The following EFNA5 variants were observed in gnomAD, a reference collection of about 807,000 sequenced individuals.
EFNA5 encodes ephrin-A5.
Under a neutral mutation model 22.9 loss-of-function variants are expected in EFNA5, and 5 were observed. The ratio of observed to expected loss-of-function variants is 0.22; its 90% confidence interval spans 0.11 to 0.46. The LOEUF (loss-of-function observed/expected upper bound fraction) is 0.46. EFNA5 is among the 20% of genes least tolerant of loss of function. The probability of loss-of-function intolerance (pLI) is 0.99; values close to 1 mark genes in which losing one functional copy is unlikely to be tolerated. For synonymous variants in EFNA5, 113 were observed against 112.2 expected, an observed-to-expected ratio of 1.01 and a Z score of -0.04; for missense variants, 237 against 293.3, an observed-to-expected ratio of 0.81 and a Z score of 1.40.
chr5:107,654,545 TAA>T (rs1750788339), intron 1 of EFNA5, among the ~76,000 whole-genome samples: 1 of 152,140 alleles, frequency 6.6e-6, no homozygotes, highest in African/African-American at 2.4e-5. Flanking sequence ...TCCTTTTGCT[TAA>T]AGACTCAACT....
chr5:107,587,054 T>C (rs902062472), intron 1 of EFNA5, among the ~76,000 whole-genome samples: 1 of 152,234 alleles, frequency 6.6e-6, no homozygotes, highest in Non-Finnish European at 1.5e-5. Flanking sequence ...TTCTTGTAGA[T>C]TGCATTTATT....
At chr5:107,481,622 T>A (rs369996702) in intron 1 of EFNA5, among the ~76,000 whole-genome samples, 2 of 151,144 alleles carry the variant, frequency 1.3e-5, no homozygotes, top group South Asian at 4.2e-4. Context: ...GAGGCCAAGG[T>A]GGGTGGATCA....
chr5:107,400,781 G>C (rs1748061838), intron 2 of EFNA5, among the ~76,000 whole-genome samples: 1 of 152,210 alleles, frequency 6.6e-6, no homozygotes, highest in Non-Finnish European at 1.5e-5. Context: ...TTCACAGATT[G>C]ATTTGCTATG....
Position 107,537,043 on chromosome 5 carries a change from TG to T in EFNA5, c.126-109535del, listed in dbSNP as rs374066331. 1.2e-3 allele frequency among the ~76,000 whole-genome samples: 178 copies of T among 150,464 alleles called. 1 individual carries two copies. The East Asian group carries it at 0.025, about 21-fold the overall frequency. ...TGGCTTGAACCCAGGAGGCGGAGGTTGCAGTGAGCCGACATCGTGCCACTGC... is the reference window on the plus strand; with the variant it reads ...TGGCTTGAACCCAGGAGGCGGAGGTTCAGTGAGCCGACATCGTGCCACTGC... On this transcript the variant is annotated intron_variant, in intron 1 of 4. Transcript: ENST00000333274.
intron 2 of EFNA5, among the ~76,000 whole-genome samples, chr5:107,409,051 A>T (rs1748294823): frequency 6.6e-6 from 1 of 152,234 alleles, no homozygotes; most frequent in African/African-American, 2.4e-5. Context: ...AAAGACATTA[A>T]AATCTTCCAA....
chr5:107,500,923 T>A (rs1747119214), intron 1 of EFNA5, among the ~76,000 whole-genome samples: 1 of 151,806 alleles, frequency 6.6e-6, no homozygotes, highest in Non-Finnish European at 1.5e-5. Flanking sequence ...CCAGGATTGT[T>A]CATCCTGAAG....
intron 1 of EFNA5, among the ~76,000 whole-genome samples, chr5:107,654,031 A>T (rs1750781145): frequency 6.6e-6 from 1 of 152,140 alleles, no homozygotes; most frequent in African/African-American, 2.4e-5. Context: ...CCCATGAATT[A>T]AGAGTATGCT....
At chr5:107,591,994 TATATA>T (rs1561443171) in intron 1 of EFNA5, among the ~76,000 whole-genome samples, 1,407 of 47,160 alleles carry the variant, frequency 0.03, 112 homozygotes, top group Non-Finnish European at 0.039. Context: ...ATATATAATA[TATATA>T]ATATATAATA....
chr5:107,596,445 C>A (rs1339686982), intron 1 of EFNA5, among the ~76,000 whole-genome samples: 1 of 152,036 alleles, frequency 6.6e-6, no homozygotes, highest in East Asian at 1.9e-4. Flanking sequence ...GACAGGATTT[C>A]TTTTTAAAGA....
At chr5:107,651,667 T>C (rs1046510978) in intron 1 of EFNA5, among the ~76,000 whole-genome samples, 2 of 74,322 alleles carry the variant, frequency 2.7e-5, no homozygotes, top group Non-Finnish European at 4.8e-5. Flanking sequence ...AATGGTTTTT[T>C]GGCAAAAAAA....
At chr5:107,422,176 T>C (rs537712934) in intron 2 of EFNA5, among the ~76,000 whole-genome samples, 21 of 152,354 alleles carry the variant, frequency 1.4e-4, no homozygotes, top group Admixed American at 1.1e-3. Flanking sequence ...TTACCTAACT[T>C]TTCTGGGCCT....
At chr5:107,588,826 A>G (rs1182185954) in intron 1 of EFNA5, among the ~76,000 whole-genome samples, 3 of 152,198 alleles carry the variant, frequency 2.0e-5, no homozygotes, top group Non-Finnish European at 2.9e-5. Context: ...AACCACAAGG[A>G]GAGAAAAACA....
intron 1 of EFNA5, among the ~76,000 whole-genome samples, chr5:107,514,030 A>G (rs558019776): frequency 2.2e-4 from 33 of 152,336 alleles, no homozygotes; most frequent in African/African-American, 7.2e-4. Flanking sequence ...CAAGTCTCAC[A>G]TTGCTTTAAC....
rs548463016 is a variant in EFNA5 at position 107,670,630 on chromosome 5, C to T, written c.-17G>A. ...GTGCAACATCACGCCTGGCCAGCGG[C>T]GGAGCCCCCGACGCGCCACTCCGGG... On this transcript the variant is annotated 5_prime_UTR_variant, in exon 1 of 5. Transcript: ENST00000333274. 8.2e-5 allele frequency: 131 copies of T among 1,597,230 alleles called. No individual in the cohort carries two copies. The South Asian group carries it at 1.4e-3, about 17-fold the overall frequency.
intron 1 of EFNA5, among the ~76,000 whole-genome samples, chr5:107,527,701 G>T (rs1747725202): frequency 6.6e-6 from 1 of 152,138 alleles, no homozygotes; most frequent in Non-Finnish European, 1.5e-5. Context: ...TTCCTTTTCA[G>T]AGTAGTCTCA....
chr5:107,449,120 A>G (rs1749480646), intron 1 of EFNA5, among the ~76,000 whole-genome samples: 1 of 152,138 alleles, frequency 6.6e-6, no homozygotes, highest in African/African-American at 2.4e-5. Flanking sequence ...CATGCAGAAA[A>G]TAGTCACCAC....
rs77595834 is a variant in EFNA5, at chr5:107,543,396, A to C, written c.126-115887T>G. 8.3e-3 allele frequency among the ~76,000 whole-genome samples: 1,267 copies of C among 152,340 alleles called. 20 individuals are homozygous for C. Among genetic ancestry groups the C allele is most frequent in the African/African-American group, 0.029 (1,203 of 41,568 alleles). The stretch of plus-strand genomic sequence containing the variant: ...ATCATTTTCTTTTTCAAATATGACA[A>C]TGCTATTTTACCCCTACTTCTTTCT... On this transcript the variant is annotated intron_variant, in intron 1 of 4. Coordinates refer to ENST00000333274, the MANE Select transcript of EFNA5 (RefSeq NM_001962.3).
At chr5:107,458,513 G>C (rs1193300422) in intron 1 of EFNA5, among the ~76,000 whole-genome samples, 1 of 151,806 alleles carries the variant, frequency 6.6e-6, no homozygotes, top group African/African-American at 2.4e-5. Context: ...GGCAGCATGA[G>C]GAAACCAAAA....
intron 4 of EFNA5, among the ~76,000 whole-genome samples, chr5:107,383,296 G>T (rs1490334838): frequency 1.3e-5 from 2 of 152,136 alleles, no homozygotes; most frequent in African/African-American, 4.8e-5. Context: ...TAAGATAAAT[G>T]GATGCAGAAA....
Sources: allele counts gnomAD v4.1 joint callset (sites outside exome capture counted in the v4.1 genomes callset), GRCh38; gene constraint gnomAD v4.1.1; transcripts MANE v1.5; gene names NCBI Gene and HGNC (gene_info 2026-07-23, HGNC 2026-07-21).